COL21A1: variants seen among roughly 807,000 people sequenced by gnomAD.
COL21A1 encodes collagen alpha-1(XXI) chain.
COL21A1 carries 149 observed loss-of-function variants against 137.9 expected under a neutral mutation model. The ratio of observed to expected loss-of-function variants is 1.08; its 90% CI spans 0.95 to 1.24. The LOEUF (loss-of-function observed/expected upper bound fraction) is 1.24, where lower values mean the gene tolerates loss of function less well. Among genes scored for constraint, COL21A1 ranks in the 50% most tolerant of loss-of-function variants. The probability of loss-of-function intolerance (pLI) is 0.00; values close to 1 mark genes in which losing one functional copy is unlikely to be tolerated. For synonymous variants in COL21A1, 456 were observed against 391.5 expected, an observed-to-expected ratio of 1.16 and a Z score of -1.95; for missense variants, 1,167 against 1,158.4, an observed-to-expected ratio of 1.01 and a Z score of -0.11.
chr6:56,144,926 A>G (rs1260923057), intron 10 of COL21A1, among the ~76,000 whole-genome samples: 1 of 152,210 alleles, frequency 6.6e-6, no homozygotes, highest in Non-Finnish European at 1.5e-5. Flanking sequence ...AACTGTTATT[A>G]TTATCCACTT....
Position 56,179,995 on chromosome 6 carries a change from G to C in COL21A1, c.223C>G (p.Gln75Glu). ...KNFDIGPKFIQVGVVQYSDYP... is the reference protein window; with the variant it reads ...KNFDIGPKFIEVGVVQYSDYP... Reference sequence around the variant, plus strand: ...TCACTATATTGAACCACTCCAACTTGAATAAACTTCGGCCCTATGTCAAAG... The same window carrying C: ...TCACTATATTGAACCACTCCAACTTCAATAAACTTCGGCCCTATGTCAAAG... Residue 75 changes from glutamine (Q) to glutamate (E), a missense_variant, in exon 3 of 30, where the codon CAA (glutamine) becomes GAA (glutamate). Physicochemically the swap from Gln to Glu is conservative, Grantham distance 29 (BLOSUM62 2). Coordinates refer to ENST00000244728, the MANE Select transcript of COL21A1 (RefSeq NM_030820.4). 1 of 1,613,746 alleles carries C rather than the reference G, an allele frequency of 6.2e-7. No individual in the cohort carries two copies. Among genetic ancestry groups the C allele is most frequent in the South Asian group, 1.1e-5 (1 of 91,066 alleles).
In COL21A1 at chr6:56,136,700, G is replaced by C. The variant is rs142203723; in HGVS notation, c.1542+5085C>G. The stretch of plus-strand genomic sequence containing the variant: ...CATTTTAAAAAATGTCTTTGTGTGT[G>C]TGTTTCAAATTCACATAATACTTTG... On this transcript the variant is annotated intron_variant, in intron 12 of 29. Coordinates refer to ENST00000244728, the MANE Select transcript of COL21A1 (RefSeq NM_030820.4). Among the ~76,000 whole-genome samples, 372 of 152,222 alleles carry C rather than the reference G, an allele frequency of 2.4e-3. 1 individual carries two copies. Among genetic ancestry groups the C allele is most frequent in the African/African-American group, 8.0e-3 (333 of 41,530 alleles).
chr6:56,171,266 T>C, intron 3 of COL21A1, 138 bp from the exon 4 acceptor site: 1 of 434,210 alleles, frequency 2.3e-6, no homozygotes, highest in Non-Finnish European at 4.0e-6. Flanking sequence ...AAATGTATAG[T>C]ATATAAATGT....
At chr6:56,097,643 C>A (rs1030536974) in intron 17 of COL21A1, among the ~76,000 whole-genome samples, 1 of 149,442 alleles carries the variant, frequency 6.7e-6, no homozygotes, top group African/African-American at 2.5e-5. Context: ...AAAGTGGGAG[C>A]AGGCAGGGCA....
At chr6:56,323,010 G>T (rs77107648) in intron 1 of COL21A1, among the ~76,000 whole-genome samples, 1,824 of 152,032 alleles carry the variant, frequency 0.012, 30 homozygotes, top group African/African-American at 0.041. Context: ...GACACTGGAG[G>T]CTCAGAAAGG....
At chr6:56,221,757 G>A (rs939468763) in intron 1 of COL21A1, among the ~76,000 whole-genome samples, 1 of 151,936 alleles carries the variant, frequency 6.6e-6, no homozygotes, top group Non-Finnish European at 1.5e-5. Flanking sequence ...TGAATTTATT[G>A]GATATTCTTC....
intron 1 of COL21A1, among the ~76,000 whole-genome samples, chr6:56,364,481 C>T (rs1581777231): frequency 6.6e-6 from 1 of 152,164 alleles, no homozygotes; most frequent in South Asian, 2.1e-4. Flanking sequence ...GGATTGTGTG[C>T]TAGACCCTTT....
At chr6:56,297,685 G>C (rs907167481) in intron 1 of COL21A1, among the ~76,000 whole-genome samples, 1 of 152,074 alleles carries the variant, frequency 6.6e-6, no homozygotes, top group African/African-American at 2.4e-5. Flanking sequence ...TAAAAAACAA[G>C]CATGTTTTAC....
intron 1 of COL21A1, among the ~76,000 whole-genome samples, chr6:56,321,805 G>A (rs1291369673): frequency 6.6e-6 from 1 of 152,108 alleles, no homozygotes; most frequent in Non-Finnish European, 1.5e-5. Flanking sequence ...ACATCTACAA[G>A]AGAAGTTGCC....
intron 9 of COL21A1, among the ~76,000 whole-genome samples, chr6:56,158,002 G>A (rs528991117): frequency 2.0e-5 from 3 of 152,204 alleles, no homozygotes; most frequent in South Asian, 4.2e-4. Context: ...GTTGCCCAAT[G>A]GCCAGTACTG....
chr6:56,067,611 C>T (rs1766381108), intron 22 of COL21A1, among the ~76,000 whole-genome samples: 1 of 151,700 alleles, frequency 6.6e-6, no homozygotes, highest in South Asian at 2.1e-4. Context: ...CTACATGGTT[C>T]ACAGTTTTAG....
At chr6:56,200,179 C>T (rs9464358) in intron 1 of COL21A1, among the ~76,000 whole-genome samples, 27 of 152,038 alleles carry the variant, frequency 1.8e-4, no homozygotes, top group Non-Finnish European at 1.2e-4. Flanking sequence ...GGGAGCAAGA[C>T]GAAGAATGAC....
chr6:56,274,902 C>A (rs1763607337), intron 1 of COL21A1, among the ~76,000 whole-genome samples: 2 of 151,794 alleles, frequency 1.3e-5, no homozygotes, highest in African/African-American at 2.4e-5. Flanking sequence ...GCCCAAAGAG[C>A]CAAAGCAATC....
rs1401107822 is a variant in COL21A1, at chr6:56,374,716, G to C, written c.-39+19255C>G. Among the ~76,000 whole-genome samples, 15 of 91,372 alleles carry C rather than the reference G, an allele frequency of 1.6e-4. No homozygotes were observed. In the South Asian group the frequency reaches 5.5e-3, roughly 33 times the overall value. The allele number at this position is 91,372 out of a possible 152,430, so 59.9% of individuals were successfully genotyped here. On this transcript the variant is annotated intron_variant, in intron 1 of 28. Transcript: ENST00000370819. ...CAGCCTTGTGACAGAGTGAGACTTC[G>C]TCTCAAAAAAAAAAAAAAAAAAAAA...
intron 1 of COL21A1, among the ~76,000 whole-genome samples, chr6:56,287,673 A>G (rs1370745377): frequency 2.6e-5 from 4 of 152,106 alleles, no homozygotes; most frequent in African/African-American, 7.2e-5. Context: ...TCTTTTATTC[A>G]TAAGTTACCC....
At chr6:56,204,273 T>C (rs1029399975) in intron 1 of COL21A1, among the ~76,000 whole-genome samples, 2 of 152,094 alleles carry the variant, frequency 1.3e-5, no homozygotes, top group Middle Eastern at 3.4e-3. Flanking sequence ...TCTGAGATGC[T>C]TGAGCTTGGT....
At chr6:56,095,444 A>G (rs1769229609) in intron 17 of COL21A1, among the ~76,000 whole-genome samples, 1 of 152,146 alleles carries the variant, frequency 6.6e-6, no homozygotes, top group South Asian at 2.1e-4. Flanking sequence ...AGTTGTTACT[A>G]GAGGTGACAG....
At chr6:56,095,549 C>T (rs937540441) in intron 17 of COL21A1, among the ~76,000 whole-genome samples, 7 of 152,200 alleles carry the variant, frequency 4.6e-5, no homozygotes, top group South Asian at 2.1e-4. Context: ...ACACCTAAAG[C>T]CCTTCCTGGT....
rs1310815348 is a variant in COL21A1 at position 56,067,301 on chromosome 6, A to G, written c.2121T>C (p.Gly707=). Residue 707 remains glycine, a synonymous_variant, in exon 23 of 30, where the codon GGT becomes GGC. Transcript: ENST00000244728. ...AAAAAAGCAAACAACATACCTGAAT[A>G]CCTTTTTCACCTTGATTTCCTTTGT... ...KGDKGNQGEK[G]IQGQKGENGR... The G allele has an allele frequency of 4.4e-6, 7 of 1,608,616 alleles. No individual in the cohort carries two copies. Among genetic ancestry groups the G allele is most frequent in the Non-Finnish European group, 5.1e-6 (6 of 1,176,606 alleles).
Sources: allele counts gnomAD v4.1 joint callset (sites outside exome capture counted in the v4.1 genomes callset), GRCh38; gene constraint gnomAD v4.1.1; transcripts MANE v1.5; gene names NCBI Gene and HGNC (gene_info 2026-07-23, HGNC 2026-07-21).